ARNT2: variants seen among roughly 807,000 people sequenced by gnomAD.
ARNT2 encodes ARNT protein 2.
Under a neutral mutation model 91.7 loss-of-function variants are expected in ARNT2, and 36 were observed. The ratio of observed to expected loss-of-function variants is 0.39; its 90% CI spans 0.30 to 0.52. The LOEUF is 0.52. Ranked by LOEUF, ARNT2 falls within the 20% of genes least tolerant of loss-of-function variation. ARNT2 has a pLI of 0.72. For synonymous variants in ARNT2, 365 were observed against 347.1 expected (o/e 1.05, Z -0.57); for missense variants, 775 against 939.3 (o/e 0.83, Z 2.29).
intron 8 of ARNT2, among the ~76,000 whole-genome samples, chr15:80,525,908 G>A (rs532832722): frequency 6.6e-6 from 1 of 152,328 alleles, no homozygotes; most frequent in Admixed American, 6.5e-5. Flanking sequence ...GAAGTATGAA[G>A]ATTCTTGAGC....
intron 5 of ARNT2, among the ~76,000 whole-genome samples, chr15:80,483,527 G>A (rs952326163): frequency 1.1e-4 from 17 of 152,196 alleles, no homozygotes; most frequent in African/African-American, 4.1e-4. Context: ...CTAGGCAGGG[G>A]AAATGTGTAT....
At chr15:80,479,821 C>T (rs905692296) in intron 5 of ARNT2, among the ~76,000 whole-genome samples, 3 of 152,194 alleles carry the variant, frequency 2.0e-5, no homozygotes, top group Admixed American at 6.5e-5. Flanking sequence ...TTGGCTGATC[C>T]TGATGGCCAG....
In ARNT2 at chr15:80,577,084, G is replaced by T. The variant is rs1013994434; in HGVS notation, c.1613+119G>T. ...TGAGTTAGTGGTTACTGGCGCTCAG[G>T]CCTTGGACTAAACTGAGGATTCTGG... On this transcript the variant is annotated intron_variant, in intron 15 of 18. Coordinates refer to ENST00000303329, the MANE Select transcript of ARNT2 (RefSeq NM_014862.4). The T allele has an allele frequency of 4.1e-6, 4 of 966,750 alleles. No individual in the cohort carries two copies. The African/African-American group carries it at 6.5e-5, about 16-fold the overall frequency. The allele number at this position is 966,750 out of a possible 1,614,324, so 59.9% of individuals were successfully genotyped here.
At chr15:80,531,974 G>C (rs1398550124) in intron 8 of ARNT2, among the ~76,000 whole-genome samples, 1 of 152,174 alleles carries the variant, frequency 6.6e-6, no homozygotes, top group East Asian at 1.9e-4. Flanking sequence ...GAAGAAGCCA[G>C]CTCGGCAGTG....
chr15:80,461,139 G>C (rs948318079), intron 3 of ARNT2, among the ~76,000 whole-genome samples: 9 of 152,220 alleles, frequency 5.9e-5, no homozygotes, highest in Admixed American at 1.3e-4. Flanking sequence ...GAGGCTAACC[G>C]AAGACAGAGA....
At chr15:80,586,885 T>TGAGAAAC (rs1346981068) in intron 17 of ARNT2, among the ~76,000 whole-genome samples, 1 of 145,756 alleles carries the variant, frequency 6.9e-6, no homozygotes, top group East Asian at 2.0e-4. Context: ...ATATCTGGAG[T>TGAGAAAC]GAGAAACGAA....
chr15:80,543,094 CAAA>C (rs368917679), intron 8 of ARNT2, among the ~76,000 whole-genome samples: 1 of 86,716 alleles, frequency 1.2e-5, no homozygotes, highest in Non-Finnish European at 2.4e-5. Flanking sequence ...CAGACCCGGT[CAAA>C]AAAAAAAAAA....
chr15:80,420,272 A>G (rs1895844133), intron 1 of ARNT2, among the ~76,000 whole-genome samples: 1 of 152,200 alleles, frequency 6.6e-6, no homozygotes, highest in Admixed American at 6.5e-5. Context: ...ATATGCATTC[A>G]GTAGAAACTG....
chr15:80,482,502 C>A (rs1476661717), intron 5 of ARNT2, among the ~76,000 whole-genome samples: 2 of 152,204 alleles, frequency 1.3e-5, no homozygotes, highest in Non-Finnish European at 2.9e-5. Flanking sequence ...GGCCACACAC[C>A]TGAGGCCAAA....
rs1285075082 is a variant in ARNT2, at chr15:80,409,038, G to C, written c.31+4492G>C. On this transcript the variant is annotated intron_variant, in intron 1 of 18. Coordinates refer to ENST00000303329, the MANE Select transcript of ARNT2 (RefSeq NM_014862.4). ...ATGATCAACATTCCCCAGCAGAGTA[G>C]TACATGTGTTACAATTGATGAACCT... Among the ~76,000 whole-genome samples the C allele has an allele frequency of 2.0e-5, 3 of 152,088 alleles. No homozygotes were observed. In the East Asian group the frequency reaches 5.8e-4, roughly 29 times the overall value.
intron 3 of ARNT2, among the ~76,000 whole-genome samples, chr15:80,469,979 T>C (rs1467277836): frequency 6.6e-6 from 1 of 152,176 alleles, no homozygotes; most frequent in African/African-American, 2.4e-5. Flanking sequence ...TAGAAGATTT[T>C]GATATGTATT....
chr15:80,517,912 T>C (rs1308654239), intron 8 of ARNT2, among the ~76,000 whole-genome samples: 1 of 152,220 alleles, frequency 6.6e-6, no homozygotes, highest in Non-Finnish European at 1.5e-5. Context: ...ATTGTCTACG[T>C]TTTCCATGAG....
intron 5 of ARNT2, among the ~76,000 whole-genome samples, chr15:80,494,797 G>C (rs9806626): frequency 0.011 from 1,620 of 152,266 alleles, 28 homozygotes; most frequent in African/African-American, 0.037. Flanking sequence ...TTCTCTGCCC[G>C]TTGGTATGGA....
At chr15:80,428,909 G>A (rs1283902752) in intron 1 of ARNT2, among the ~76,000 whole-genome samples, 2 of 152,190 alleles carry the variant, frequency 1.3e-5, no homozygotes, top group Admixed American at 6.5e-5. Context: ...CTGCCAGCAA[G>A]TAGATTGGAA....
Position 80,565,538 on chromosome 15 carries a change from GT to G in ARNT2, c.1316+2312del, listed in dbSNP as rs537342917. ...AGCATCTGTTTTTGTTTTTGTTATT[GT>G]TTTTTTTTTTTTACTTTTTACTAAT... On this transcript the variant is annotated intron_variant, in intron 12 of 18. Transcript: ENST00000303329. 5.0e-4 allele frequency among the ~76,000 whole-genome samples: 71 copies of G among 140,862 alleles called. 1 individual carries two copies. The highest frequency in any genetic ancestry group is 7.0e-4 in the Admixed American group (10 of 14,352). 92.4% of individuals were successfully genotyped at this position (140,862 alleles called of 152,430 possible). A position where few individuals can be genotyped will look rare whatever the true frequency, so the allele number is the denominator to read the frequency against.
intron 1 of ARNT2, among the ~76,000 whole-genome samples, chr15:80,407,657 A>G (rs1451311402): frequency 6.6e-6 from 1 of 152,130 alleles, no homozygotes; most frequent in African/African-American, 2.4e-5. Context: ...CAGGAATGAC[A>G]TATATCCTTT....
Position 80,565,966 on chromosome 15 carries a change from C to A in ARNT2, c.1316+2727C>A, listed in dbSNP as rs183783572. Among the ~76,000 whole-genome samples, 6 of 152,270 alleles carry A rather than the reference C, an allele frequency of 3.9e-5. No homozygotes were observed. The South Asian group carries it at 1.2e-3, about 32-fold the overall frequency. Reference sequence around the variant, plus strand: ...CAAGTCACCTACTCTTTCTAAGCCTCGGTTGCTTCATCTGTAAAATGGGGA... The same window carrying A: ...CAAGTCACCTACTCTTTCTAAGCCTAGGTTGCTTCATCTGTAAAATGGGGA... On this transcript the variant is annotated intron_variant, in intron 12 of 18. Transcript: ENST00000303329.
rs1378562878 is a variant in ARNT2, at chr15:80,563,173, G to A, written c.1250G>A (p.Ser417Asn). The stretch of plus-strand genomic sequence containing the variant: ...GAGTGGATGTTGATCCGCACCAGCA[G>A]CTTCACATTCCAGAATCCCTATTCT... ...NREWMLIRTS[S>N]FTFQNPYSDE... The change falls in exon 12 of 19, where the codon AGC becomes AAC. Residue 417 changes from serine (S) to asparagine (N), a missense_variant. Physicochemically the swap from Ser to Asn is conservative, Grantham distance 46. Coordinates refer to ENST00000303329, the MANE Select transcript of ARNT2 (RefSeq NM_014862.4). 1.9e-6 allele frequency: 3 copies of A among 1,614,050 alleles called. No homozygotes were observed. The Admixed American group carries it at 5.0e-5, about 27-fold the overall frequency.
chr15:80,447,301 G>A (rs1177767272), intron 1 of ARNT2, among the ~76,000 whole-genome samples: 1 of 152,152 alleles, frequency 6.6e-6, no homozygotes, highest in Non-Finnish European at 1.5e-5. Context: ...AGACTGCTGA[G>A]CTCTCCTCTG....
Sources: allele counts gnomAD v4.1 joint callset (sites outside exome capture counted in the v4.1 genomes callset), GRCh38; gene constraint gnomAD v4.1.1; transcripts MANE v1.5; gene names NCBI Gene and HGNC (gene_info 2026-07-23, HGNC 2026-07-21).